CABCOCO1: variants seen among roughly 807,000 people sequenced by gnomAD.
CABCOCO1 encodes ciliary associated calcium binding coiled-coil 1.
Under a neutral mutation model 35.7 loss-of-function variants are expected in CABCOCO1, and 28 were observed. That is an observed-to-expected ratio of 0.78 (90% confidence interval 0.58 to 1.07). The LOEUF (loss-of-function observed/expected upper bound fraction) is 1.07, where lower values mean the gene tolerates loss of function less well. Among genes scored for constraint, CABCOCO1 ranks in the 50% least tolerant of loss-of-function variants. The pLI, the probability that CABCOCO1 is intolerant of heterozygous loss-of-function variation, is 0.00. For synonymous variants in CABCOCO1, 95 were observed against 100.1 expected (o/e 0.95, Z 0.30); for missense variants, 326 against 309.2 (o/e 1.05, Z -0.41).
intron 2 of CABCOCO1, among the ~76,000 whole-genome samples, chr10:61,680,181 G>A (rs960227813): frequency 2.0e-5 from 3 of 150,634 alleles, no homozygotes; most frequent in Non-Finnish European, 4.4e-5. Context: ...GCATGGTGGC[G>A]GGTACCTGTA....
At chr10:61,709,015 T>C (rs1840661970) in intron 5 of CABCOCO1, among the ~76,000 whole-genome samples, 1 of 152,104 alleles carries the variant, frequency 6.6e-6, no homozygotes, top group Non-Finnish European at 1.5e-5. Context: ...TTACTGCCCA[T>C]GGGATTGCAA....
chr10:61,667,733 G>T (rs1034847651), intron 1 of CABCOCO1, among the ~76,000 whole-genome samples: 2 of 151,736 alleles, frequency 1.3e-5, no homozygotes, highest in African/African-American at 4.8e-5. Context: ...GAACCATCTT[G>T]CCAAATTTTT....
intron 5 of CABCOCO1, among the ~76,000 whole-genome samples, chr10:61,744,527 G>A (rs1395978613): frequency 6.6e-6 from 1 of 152,148 alleles, no homozygotes; most frequent in Non-Finnish European, 1.5e-5. Context: ...CAGCTCAGCA[G>A]CAACCCATTT....
chr10:61,754,548 A>C (rs1841857976), intron 5 of CABCOCO1, among the ~76,000 whole-genome samples: 1 of 152,112 alleles, frequency 6.6e-6, no homozygotes, highest in African/African-American at 2.4e-5. Context: ...GATATCTAAA[A>C]TACTCTGGAA....
intron 5 of CABCOCO1, among the ~76,000 whole-genome samples, chr10:61,726,223 C>G (rs60637224): frequency 1.3e-5 from 2 of 152,014 alleles, no homozygotes; most frequent in East Asian, 1.9e-4. Context: ...ATTACAATCA[C>G]GAAAATTTGG....
chr10:61,667,738 AT>A (rs1195925089), intron 1 of CABCOCO1, among the ~76,000 whole-genome samples: 1 of 151,914 alleles, frequency 6.6e-6, no homozygotes, highest in Admixed American at 6.5e-5. Context: ...ATCTTGCCAA[AT>A]TTTTTATTAG....
chr10:61,699,939 T>A (rs1046203418), intron 5 of CABCOCO1, among the ~76,000 whole-genome samples: 3 of 152,136 alleles, frequency 2.0e-5, no homozygotes, highest in African/African-American at 7.2e-5. Context: ...TCAATTAATG[T>A]AAAGGAGAAA....
chr10:61,707,015 A>G (rs1218696190), intron 5 of CABCOCO1, among the ~76,000 whole-genome samples: 2 of 152,120 alleles, frequency 1.3e-5, no homozygotes, highest in African/African-American at 4.8e-5. Context: ...TTTTCGGTGC[A>G]CTATTTTCTC....
intron 5 of CABCOCO1, among the ~76,000 whole-genome samples, chr10:61,745,907 C>A (rs1013023122): frequency 5.3e-5 from 8 of 152,186 alleles, no homozygotes; most frequent in African/African-American, 1.4e-4. Context: ...GAGTTCAAAT[C>A]TTAGTTTGAA....
At chr10:61,738,099 T>C (rs933383535) in intron 5 of CABCOCO1, among the ~76,000 whole-genome samples, 1 of 151,474 alleles carries the variant, frequency 6.6e-6, no homozygotes, top group African/African-American at 2.4e-5. Context: ...CTATTCTAAT[T>C]CAATAGGTCT....
chr10:61,740,239 A>G (rs1442229892), intron 5 of CABCOCO1, among the ~76,000 whole-genome samples: 4 of 152,212 alleles, frequency 2.6e-5, no homozygotes, highest in Admixed American at 2.0e-4. Context: ...CAACTGGGAG[A>G]GGGAACTCTT....
chr10:61,680,688 TATAACA>T lies in CABCOCO1; in HGVS notation c.165-454_165-449del, dbSNP rs1839746773. ...ATGTATAACATATATGTTATACATGTATAACATATATATGTTATACATGTATAACAT... is the reference window on the plus strand; with the variant it reads ...ATGTATAACATATATGTTATACATGTTATATATGTTATACATGTATAACAT... On this transcript the variant is annotated intron_variant, in intron 2 of 7. Transcript: ENST00000648843. 2.5e-5 allele frequency among the ~76,000 whole-genome samples: 2 copies of T among 79,288 alleles called. 1 individual carries two copies. Among genetic ancestry groups the T allele is most frequent in the African/African-American group, 1.1e-4 (2 of 18,800 alleles). The allele number at this position is 79,288 out of a possible 152,430, so 52.0% of individuals were successfully genotyped here.
chr10:61,667,197 A>G (rs1378660812), intron 1 of CABCOCO1, among the ~76,000 whole-genome samples: 1 of 146,360 alleles, frequency 6.8e-6, no homozygotes, highest in Non-Finnish European at 1.5e-5. Flanking sequence ...ATATAAATAT[A>G]ATTATAAATT....
At chr10:61,712,806 G>A (rs991993575) in intron 5 of CABCOCO1, among the ~76,000 whole-genome samples, 5 of 152,076 alleles carry the variant, frequency 3.3e-5, no homozygotes, top group Admixed American at 6.6e-5. Flanking sequence ...TCAAAGATCC[G>A]ATGGTTGTAG....
chr10:61,756,334 C>T (rs1447714168), intron 5 of CABCOCO1, among the ~76,000 whole-genome samples: 2 of 151,940 alleles, frequency 1.3e-5, no homozygotes, highest in African/African-American at 4.8e-5. Flanking sequence ...TGTATATTGG[C>T]AAGTTATGCA....
chr10:61,672,617 A>T lies in CABCOCO1; in HGVS notation c.61-15A>T. 2.8e-6 allele frequency: 2 copies of T among 721,864 alleles called. No homozygotes were observed. Among genetic ancestry groups the T allele is most frequent in the Non-Finnish European group, 3.4e-6 (2 of 589,680 alleles). 44.7% of individuals were successfully genotyped at this position (721,864 alleles called of 1,614,324 possible). ...GTACAATTAAAGTAACTCACTCCAC[A>T]TTGTGTTTTGGTAGAGAGACACTGA... On this transcript the variant is annotated splice_polypyrimidine_tract_variant and intron_variant, in intron 1 of 7. Transcript: ENST00000648843.
chr10:61,680,628 CATGTTATACATATATAATATATATT>C (rs1236214283), intron 2 of CABCOCO1, among the ~76,000 whole-genome samples: 1 of 22,180 alleles, frequency 4.5e-5, no homozygotes, highest in African/African-American at 1.3e-4. Flanking sequence ...ATAACATATA[CATGTTATACATATATAATATATATT>C]ATGTTATACA....
chr10:61,721,081 C>G (rs1450431152), intron 5 of CABCOCO1, among the ~76,000 whole-genome samples: 1 of 151,654 alleles, frequency 6.6e-6, no homozygotes, highest in Non-Finnish European at 1.5e-5. Context: ...CCCGCCACCA[C>G]GCCCGGCTAA....
intron 5 of CABCOCO1, among the ~76,000 whole-genome samples, chr10:61,691,524 G>A (rs926686442): frequency 9.2e-5 from 14 of 151,910 alleles, no homozygotes; most frequent in African/African-American, 3.4e-4. Flanking sequence ...TTTAAGTTCT[G>A]GGATACATGT....
Sources: gnomAD v4.1 joint callset for allele counts (sites outside exome capture counted in the v4.1 genomes callset) on GRCh38, gnomAD v4.1.1 for gene constraint, MANE v1.5 for transcripts, NCBI Gene and HGNC (gene_info 2026-07-23, HGNC 2026-07-21) for gene names.